The following SCEL variants were observed in gnomAD, a reference collection of about 807,000 sequenced individuals.
SCEL encodes sciellin.
Under a neutral mutation model 117.6 loss-of-function variants are expected in SCEL, and 113 were observed. The ratio of observed to expected loss-of-function variants is 0.96; its 90% CI spans 0.83 to 1.12. The LOEUF (loss-of-function observed/expected upper bound fraction) is 1.12. Ranked by LOEUF, SCEL falls within the 50% of genes most tolerant of loss-of-function variation. The pLI is 0.00. For synonymous variants in SCEL, 270 were observed against 256.2 expected (o/e 1.05, Z -0.51); for missense variants, 785 against 810.8 (o/e 0.97, Z 0.39).
intron 1 of SCEL, among the ~76,000 whole-genome samples, chr13:77,537,252 C>A (rs1043487774): frequency 2.0e-5 from 3 of 152,148 alleles, no homozygotes; most frequent in Non-Finnish European, 4.4e-5. Flanking sequence ...GGAGCATAGG[C>A]CCATCTAGTC....
intron 4 of SCEL, among the ~76,000 whole-genome samples, chr13:77,560,072 C>T (rs757566881): frequency 6.6e-6 from 1 of 152,094 alleles, no homozygotes; most frequent in Non-Finnish European, 1.5e-5. Context: ...AGAACATAAC[C>T]AACCCTCTGT....
intron 11 of SCEL, among the ~76,000 whole-genome samples, chr13:77,591,952 T>C (rs552800622): frequency 6.6e-6 from 1 of 152,310 alleles, no homozygotes; most frequent in East Asian, 1.9e-4. Context: ...TTTACACTTC[T>C]AATTTATGCT....
intron 32 of SCEL, among the ~76,000 whole-genome samples, chr13:77,643,733 C>T (rs1190544480): frequency 3.9e-5 from 6 of 152,084 alleles, no homozygotes; most frequent in African/African-American, 9.7e-5. Context: ...CAGAAACCCA[C>T]GTTCCATCAG....
chr13:77,570,443 G>GA (rs2085531316), intron 8 of SCEL, among the ~76,000 whole-genome samples: 1 of 152,138 alleles, frequency 6.6e-6, no homozygotes, highest in East Asian at 1.9e-4. Context: ...CATAATTCGG[G>GA]ACCACTGAAG....
At chr13:77,608,452 T>G (rs2088393925) in intron 20 of SCEL, among the ~76,000 whole-genome samples, 1 of 151,864 alleles carries the variant, frequency 6.6e-6, no homozygotes, top group African/African-American at 2.4e-5. Flanking sequence ...ATACAAAAAT[T>G]AGCCAGGCAT....
chr13:77,538,115 CTTTTTT>C (rs35197581), intron 1 of SCEL, among the ~76,000 whole-genome samples: 1 of 128,976 alleles, frequency 7.8e-6, no homozygotes, highest in East Asian at 2.2e-4. Flanking sequence ...AATCAAAAGT[CTTTTTT>C]TTTTTTTTTT....
At chr13:77,568,721 G>A (rs1419999495) in intron 7 of SCEL, among the ~76,000 whole-genome samples, 2 of 151,958 alleles carry the variant, frequency 1.3e-5, no homozygotes, top group African/African-American at 4.8e-5. Flanking sequence ...CTCCTTCAGA[G>A]AAAATTGAAT....
At chr13:77,616,250 G>A (rs1295248251) in intron 24 of SCEL, among the ~76,000 whole-genome samples, 2 of 151,548 alleles carry the variant, frequency 1.3e-5, no homozygotes, top group Non-Finnish European at 2.9e-5. Context: ...TATTATCTGT[G>A]GTTACACTAA....
intron 10 of SCEL, among the ~76,000 whole-genome samples, chr13:77,590,944 A>C (rs1026538872): frequency 6.6e-6 from 1 of 152,160 alleles, no homozygotes; most frequent in Non-Finnish European, 1.5e-5. Flanking sequence ...CCAATGTAGT[A>C]GGTGTACTTG....
intron 19 of SCEL, among the ~76,000 whole-genome samples, chr13:77,605,350 G>A (rs1390697762): frequency 1.3e-5 from 2 of 152,118 alleles, no homozygotes; most frequent in African/African-American, 2.4e-5. Flanking sequence ...GAGGCACCGC[G>A]ACCCAATGAA....
chr13:77,586,133 G>A (rs57200565), intron 9 of SCEL, among the ~76,000 whole-genome samples: 15,561 of 151,972 alleles, frequency 0.1, 1,323 homozygotes, highest in East Asian at 0.44. Flanking sequence ...TCAGCACCAC[G>A]CTCACTGTCT....
At chr13:77,626,692 C>G (rs963770442) in intron 27 of SCEL, among the ~76,000 whole-genome samples, 5 of 152,134 alleles carry the variant, frequency 3.3e-5, no homozygotes, top group African/African-American at 1.2e-4. Flanking sequence ...TCTCCTTCAC[C>G]TTCTGCCATG....
At chr13:77,629,700 C>T (rs371628549) in intron 28 of SCEL, among the ~76,000 whole-genome samples, 5 of 152,198 alleles carry the variant, frequency 3.3e-5, no homozygotes, top group African/African-American at 1.2e-4. Context: ...AACCTGTGAT[C>T]GGAGACTTCA....
intron 2 of SCEL, 83 bp downstream of exon 2, chr13:77,556,001 A>G (rs2084635575): frequency 2.1e-6 from 2 of 970,142 alleles, no homozygotes; most frequent in Non-Finnish European, 1.6e-6. Context: ...TTTAATACAG[A>G]TATTGAATGC....
chr13:77,577,962 G>A (rs193031822), intron 9 of SCEL, among the ~76,000 whole-genome samples: 8 of 151,902 alleles, frequency 5.3e-5, no homozygotes, highest in African/African-American at 4.8e-5. Flanking sequence ...TTTTCCCTGC[G>A]CTAGCCTGTC....
At chr13:77,612,797 A>G (rs2154403281) in intron 22 of SCEL, 94 bp from the exon 23 acceptor site, 1 of 668,954 alleles carries the variant, frequency 1.5e-6, no homozygotes, top group Admixed American at 3.5e-5. Context: ...GAAGTTTTAA[A>G]TTAGCAGGTC....
At position 77,617,836 on chromosome 13, in the gene SCEL, T is replaced by C; in HGVS notation, c.1545T>C (p.Asn515=). Reference sequence around the variant, plus strand: ...ATCTTGCTAACCTCATCAAAGTAAATCCTGCAGTAATCAGAAACAATCAGA... The same window carrying C: ...ATCTTGCTAACCTCATCAAAGTAAACCCTGCAGTAATCAGAAACAATCAGA... ...NQDLANLIKV[N]PAVIRNNQSQ... The change falls in exon 26 of 33, where the codon AAT becomes AAC. Residue 515 remains asparagine, a synonymous_variant. Transcript: ENST00000349847. The C allele has an allele frequency of 6.2e-7, 1 of 1,611,582 alleles. No individual in the cohort carries two copies. Among genetic ancestry groups the C allele is most frequent in the South Asian group, 1.1e-5 (1 of 90,824 alleles).
chr13:77,630,452 T>A (rs2089972472), intron 28 of SCEL, among the ~76,000 whole-genome samples: 3 of 152,222 alleles, frequency 2.0e-5, no homozygotes, highest in Non-Finnish European at 2.9e-5. Flanking sequence ...ATTGTTTCAC[T>A]ATTGGGTTTT....
chr13:77,636,924 G>T (rs553157154), intron 29 of SCEL, among the ~76,000 whole-genome samples, 196 bp from the exon 30 acceptor site: 1 of 151,774 alleles, frequency 6.6e-6, no homozygotes, highest in South Asian at 2.1e-4. Context: ...ATTTATTTTG[G>T]TATATATGTC....
Sources: allele counts gnomAD v4.1 joint callset (sites outside exome capture counted in the v4.1 genomes callset), GRCh38; gene constraint gnomAD v4.1.1; transcripts MANE v1.5; gene names NCBI Gene and HGNC (gene_info 2026-07-23, HGNC 2026-07-21).